Variants in CELF6 observed in about 807,000 individuals in gnomAD.
CELF6 encodes the protein CUGBP Elav-like family member 6.
Under a neutral mutation model 53.1 loss-of-function variants are expected in CELF6, and 32 were observed. The ratio of observed to expected loss-of-function variants is 0.60; its 90% confidence interval spans 0.46 to 0.81. CELF6 has a LOEUF of 0.81. Among genes scored for constraint, CELF6 ranks in the 30% least tolerant of loss-of-function variants. The pLI is 0.00. For missense variants in CELF6, 539 were observed against 669.5 expected (o/e 0.81, Z 2.15); for synonymous variants, 291 against 288.8 (o/e 1.01, Z -0.08).
chr15:72,300,206 C>T (rs997217503), intron 3 of CELF6, among the ~76,000 whole-genome samples: 1 of 151,720 alleles, frequency 6.6e-6, no homozygotes, highest in South Asian at 2.1e-4. Flanking sequence ...AATAAAAATA[C>T]AAAAATTAGC....
intron 2 of CELF6, among the ~76,000 whole-genome samples, chr15:72,305,132 G>T (rs2141199741): frequency 6.6e-6 from 1 of 152,300 alleles, no homozygotes; most frequent in Non-Finnish European, 1.5e-5. Context: ...GGCTTTGCAT[G>T]AGAGGATTGG....
intron 2 of CELF6, among the ~76,000 whole-genome samples, chr15:72,310,661 A>T (rs1043713825): frequency 6.6e-6 from 1 of 150,880 alleles, no homozygotes; most frequent in Non-Finnish European, 1.5e-5. Flanking sequence ...GCTAATTTTT[A>T]AAAAACTTTT....
At chr15:72,307,122 C>G (rs1168787080) in intron 2 of CELF6, among the ~76,000 whole-genome samples, 3 of 152,076 alleles carry the variant, frequency 2.0e-5, no homozygotes, top group Non-Finnish European at 2.9e-5. Context: ...TTAAATAGAT[C>G]CTGAGAATTT....
At chr15:72,294,296 G>C (rs560827030) in intron 3 of CELF6, among the ~76,000 whole-genome samples, 7 of 152,330 alleles carry the variant, frequency 4.6e-5, no homozygotes, top group Middle Eastern at 3.4e-3. Context: ...TGTAATGATT[G>C]TAGGGACAGT....
chr15:72,305,160 A>C (rs1209228271), intron 2 of CELF6, among the ~76,000 whole-genome samples: 1 of 152,144 alleles, frequency 6.6e-6, no homozygotes, highest in East Asian at 1.9e-4. Flanking sequence ...GGTAGAATTG[A>C]TACTGCAGAT....
intron 12 of CELF6, 70 bp from the exon 13 acceptor site, chr15:72,286,412 C>G (rs1333512463): frequency 1.3e-5 from 2 of 152,654 alleles, no homozygotes; most frequent in Admixed American, 6.5e-5. Context: ...GAGGGCAAGA[C>G]CAGAAGAGCA....
chr15:72,312,534 C>T (rs1364984285), intron 2 of CELF6, among the ~76,000 whole-genome samples: 1 of 152,118 alleles, frequency 6.6e-6, no homozygotes, highest in Non-Finnish European at 1.5e-5. Context: ...GAGGCTGAGG[C>T]AGGAGAATCA....
chr15:72,302,423 G>T (rs962870285), intron 3 of CELF6, among the ~76,000 whole-genome samples: 5 of 152,194 alleles, frequency 3.3e-5, no homozygotes, highest in South Asian at 4.1e-4. Flanking sequence ...TTTTCAGCTA[G>T]ATTTGCTTTT....
chr15:72,304,741 G>T lies in CELF6; in HGVS notation c.394+5C>A, dbSNP rs754358669. 1 of 1,614,098 alleles carries T rather than the reference G, an allele frequency of 6.2e-7. No individual in the cohort carries two copies. ...AGCCTGAGGTTGGTCAGACAGGGAA[G>T]TTACCTCCTCGGCCCTCACTGGCAG... On this transcript the variant is annotated splice_donor_5th_base_variant and intron_variant, in intron 3 of 12. Coordinates refer to ENST00000287202, the MANE Select transcript of CELF6 (RefSeq NM_052840.5).
At chr15:72,312,716 G>A (rs1228288962) in intron 2 of CELF6, among the ~76,000 whole-genome samples, 7 of 152,196 alleles carry the variant, frequency 4.6e-5, no homozygotes, top group Admixed American at 4.6e-4. Context: ...AGCCTTTTCT[G>A]GTCCCATGGT....
At chr15:72,310,014 C>T (rs2088275678) in intron 2 of CELF6, among the ~76,000 whole-genome samples, 1 of 152,158 alleles carries the variant, frequency 6.6e-6, no homozygotes, top group Non-Finnish European at 1.5e-5. Flanking sequence ...GGGCCCTGGA[C>T]CTTCTGCCCC....
chr15:72,290,573 A>T (rs1288740740), intron 3 of CELF6, among the ~76,000 whole-genome samples: 1 of 152,108 alleles, frequency 6.6e-6, no homozygotes, highest in Non-Finnish European at 1.5e-5. Context: ...ATTGTTTTAC[A>T]TGTTTGACCT....
chr15:72,307,162 G>A (rs887470999), intron 2 of CELF6, among the ~76,000 whole-genome samples: 8 of 152,172 alleles, frequency 5.3e-5, no homozygotes, highest in Non-Finnish European at 7.3e-5. Context: ...ACGAGCACAC[G>A]TGACAGCAGC....
rs955226316 is a variant in CELF6 at position 72,310,570 on chromosome 15, C to T, written c.345+5275G>A. On this transcript the variant is annotated intron_variant, in intron 2 of 12. Coordinates refer to ENST00000287202, the MANE Select transcript of CELF6 (RefSeq NM_052840.5). ...TCTTTTTTTTTTTTTTTTGAGACAG[C>T]GTCGACCTCCAGGGCTCAAGCAACC... 3.5e-5 allele frequency among the ~76,000 whole-genome samples: 5 copies of T among 143,074 alleles called. No individual in the cohort carries two copies. In the East Asian group the frequency reaches 6.1e-4, roughly 18 times the overall value. The allele number at this position is 143,074 out of a possible 152,430, so 93.9% of individuals were successfully genotyped here. A position where few individuals can be genotyped will look rare whatever the true frequency, so the allele number is the denominator to read the frequency against.
At chr15:72,293,124 T>C (rs1023214501) in intron 3 of CELF6, among the ~76,000 whole-genome samples, 1 of 152,192 alleles carries the variant, frequency 6.6e-6, no homozygotes, top group Non-Finnish European at 1.5e-5. Flanking sequence ...GTATCTACCA[T>C]GGGGTGGGCT....
intron 3 of CELF6, 81 bp downstream of exon 3, chr15:72,304,665 A>G (rs1820072669): frequency 4.6e-6 from 6 of 1,297,330 alleles, no homozygotes; most frequent in Admixed American, 1.7e-5. Flanking sequence ...CTCATACTAA[A>G]TGGGTAGGAC....
intron 2 of CELF6, among the ~76,000 whole-genome samples, chr15:72,307,294 C>T (rs2088244079): frequency 1.3e-5 from 2 of 152,108 alleles, no homozygotes; most frequent in African/African-American, 4.8e-5. Flanking sequence ...TCGGGTGGTA[C>T]ATACATGTTC....
At position 72,287,259 on chromosome 15, in the gene CELF6, A is replaced by G; in HGVS notation, c.*6T>C. The G allele has an allele frequency of 6.2e-7, 1 of 1,613,648 alleles. No homozygotes were observed. The highest frequency in any genetic ancestry group is 1.1e-5 in the South Asian group (1 of 91,042). On this transcript the variant is annotated 3_prime_UTR_variant, in exon 12 of 13. Coordinates refer to ENST00000287202, the MANE Select transcript of CELF6 (RefSeq NM_052840.5). Reference sequence around the variant, plus strand: ...CACCTTTCTGTGGCTGGTCAGTGAAAGCAGGTCAGTAAGGCCGGTTGGCAT... The same window carrying G: ...CACCTTTCTGTGGCTGGTCAGTGAAGGCAGGTCAGTAAGGCCGGTTGGCAT...
intron 3 of CELF6, among the ~76,000 whole-genome samples, chr15:72,302,535 T>C (rs879917858): frequency 5.9e-5 from 9 of 152,152 alleles, no homozygotes; most frequent in Non-Finnish European, 1.2e-4. Flanking sequence ...GAAAGAAAAT[T>C]CTACAACTCA....
Sources: allele counts gnomAD v4.1 joint callset (sites outside exome capture counted in the v4.1 genomes callset), GRCh38; gene constraint gnomAD v4.1.1; transcripts MANE v1.5; gene names NCBI Gene and HGNC (gene_info 2026-07-23, HGNC 2026-07-21).